PRKN: variants seen among roughly 807,000 people sequenced by gnomAD.
PRKN encodes E3 ubiquitin-protein ligase parkin.
PRKN carries 56 observed loss-of-function variants against 59.5 expected under a neutral mutation model. The observed-to-expected ratio is 0.94, with a 90% CI of 0.76 to 1.18. The LOEUF is 1.18. Ranked by LOEUF, PRKN falls within the 50% of genes most tolerant of loss-of-function variation. The probability of loss-of-function intolerance (pLI) is 0.00; values close to 1 mark genes in which losing one functional copy is unlikely to be tolerated. For synonymous variants in PRKN, 250 were observed against 222.1 expected, an observed-to-expected ratio of 1.13 and a Z score of -1.12; for missense variants, 657 against 596.4, an observed-to-expected ratio of 1.10 and a Z score of -1.06.
intron 1 of PRKN, among the ~76,000 whole-genome samples, chr6:162,673,679 C>G (rs963220606): frequency 6.6e-6 from 1 of 152,164 alleles, no homozygotes; most frequent in Non-Finnish European, 1.5e-5. Context: ...AGCCAACACG[C>G]CCAGCCTAGA....
intron 7 of PRKN, among the ~76,000 whole-genome samples, chr6:161,701,037 G>T (rs1029388470): frequency 6.6e-6 from 1 of 152,192 alleles, no homozygotes; most frequent in African/African-American, 2.4e-5. Context: ...CAACCCTTGA[G>T]ATTTATTAGG....
intron 9 of PRKN, among the ~76,000 whole-genome samples, chr6:161,435,761 G>A (rs889227397): frequency 6.8e-6 from 1 of 148,076 alleles, no homozygotes. Context: ...CCAGGCAGTT[G>A]TATTTATTTC....
rs568296559 is a variant in PRKN, at chr6:161,607,842, C to G, written c.872-38426G>C. The stretch of plus-strand genomic sequence containing the variant: ...GCCCAGAACAATGAATGAGGAAGGC[C>G]TGAGCCAAGGACAGCCGTCACAGTG... On this transcript the variant is annotated intron_variant, in intron 7 of 11. Transcript: ENST00000366898. Among the ~76,000 whole-genome samples, 6 of 152,302 alleles carry G rather than the reference C, an allele frequency of 3.9e-5. No homozygotes were observed. In the South Asian group the frequency reaches 1.2e-3, roughly 32 times the overall value.
intron 1 of PRKN, among the ~76,000 whole-genome samples, chr6:162,453,559 A>ATG (rs1157095506): frequency 6.6e-6 from 1 of 152,106 alleles, no homozygotes; most frequent in Non-Finnish European, 1.5e-5. Context: ...CTATGTAAGC[A>ATG]TGTCACACAG....
chr6:162,094,729 A>T (rs1389058931), intron 4 of PRKN, among the ~76,000 whole-genome samples: 3 of 152,164 alleles, frequency 2.0e-5, no homozygotes, highest in African/African-American at 7.2e-5. Context: ...GTCACTTTAA[A>T]ACAAATTGTG....
chr6:161,461,091 A>G lies in PRKN; in HGVS notation c.1084-74214T>C, dbSNP rs990832670. On this transcript the variant is annotated intron_variant, in intron 9 of 11. Transcript: ENST00000366898. This position sits in a 1 kb window ranked among gnomAD's most constrained non-coding sequence, Gnocchi z 5.1. ...TCTTTATCATAAGTACTTACTGTCTATTAACCCCATAAACATTCCACCTGC... is the reference window on the plus strand; with the variant it reads ...TCTTTATCATAAGTACTTACTGTCTGTTAACCCCATAAACATTCCACCTGC... Among the ~76,000 whole-genome samples the G allele has an allele frequency of 2.6e-5, 4 of 152,170 alleles. No individual in the cohort carries two copies. Among genetic ancestry groups the G allele is most frequent in the East Asian group, 1.9e-4 (1 of 5,172 alleles).
At chr6:161,966,189 A>G (rs1260101694) in intron 6 of PRKN, among the ~76,000 whole-genome samples, 1 of 152,044 alleles carries the variant, frequency 6.6e-6, no homozygotes, top group Admixed American at 6.5e-5. Context: ...AAATAGGGTT[A>G]AATAAAACCT....
chr6:162,040,834 G>C (rs1355064339), intron 5 of PRKN, among the ~76,000 whole-genome samples: 1 of 152,074 alleles, frequency 6.6e-6, no homozygotes, highest in African/African-American at 2.4e-5. Context: ...GCTGCCCAAG[G>C]AGAACAGTAG....
chr6:162,327,545 G>A (rs1010726047), intron 2 of PRKN, among the ~76,000 whole-genome samples: 1 of 148,238 alleles, frequency 6.7e-6, no homozygotes, highest in Non-Finnish European at 1.5e-5. Flanking sequence ...CAGTTTCAAT[G>A]TTAGGTTTTG....
intron 1 of PRKN, among the ~76,000 whole-genome samples, chr6:162,699,900 CAA>C (rs1778092596): frequency 6.6e-6 from 1 of 152,108 alleles, no homozygotes; most frequent in Non-Finnish European, 1.5e-5. Context: ...ATTTCATTAA[CAA>C]GAGAAAATTA....
intron 1 of PRKN, among the ~76,000 whole-genome samples, chr6:162,669,354 G>C (rs1186683563): frequency 6.6e-6 from 1 of 152,070 alleles, no homozygotes; most frequent in Non-Finnish European, 1.5e-5. Context: ...ATCTTCTTGA[G>C]TCACGATTGC....
intron 3 of PRKN, among the ~76,000 whole-genome samples, chr6:162,232,789 T>C (rs1204487751): frequency 6.6e-6 from 1 of 152,196 alleles, no homozygotes; most frequent in Non-Finnish European, 1.5e-5. Context: ...TGCATTTATA[T>C]GTTACAGGAC....
At chr6:161,807,518 C>A (rs959581027) in intron 6 of PRKN, among the ~76,000 whole-genome samples, 4 of 152,212 alleles carry the variant, frequency 2.6e-5, no homozygotes, top group Admixed American at 6.5e-5. Flanking sequence ...TCTCTCACAG[C>A]TCTGGAGGTA....
intron 6 of PRKN, among the ~76,000 whole-genome samples, chr6:161,842,411 GCAGTGAGTGGAGATGGCACCACTGCACTC>G (rs2128220883): frequency 6.6e-6 from 1 of 150,748 alleles, no homozygotes; most frequent in African/African-American, 2.4e-5. Context: ...GGCAAAGGTT[GCAGTGAGTGGAGATGGCACCACTGCACTC>G]CAGCCTGGGC....
intron 7 of PRKN, among the ~76,000 whole-genome samples, chr6:161,749,987 C>T (rs914484621): frequency 2.6e-5 from 4 of 151,878 alleles, no homozygotes; most frequent in South Asian, 4.1e-4. Flanking sequence ...GTTTGCATTG[C>T]GTTTGTTATG....
chr6:162,314,209 A>T (rs1782652852), intron 2 of PRKN, among the ~76,000 whole-genome samples: 1 of 152,142 alleles, frequency 6.6e-6, no homozygotes, highest in Admixed American at 6.5e-5. Flanking sequence ...GGGTTGAGTA[A>T]AGGGAAGCTT....
intron 6 of PRKN, among the ~76,000 whole-genome samples, chr6:161,848,424 GTCTC>G (rs1793289640): frequency 6.6e-6 from 1 of 152,116 alleles, no homozygotes; most frequent in African/African-American, 2.4e-5. Flanking sequence ...ATCAAAATGT[GTCTC>G]TCTAATTCCT....
chr6:161,509,103 C>G (rs1250302459), intron 9 of PRKN, among the ~76,000 whole-genome samples: 1 of 152,202 alleles, frequency 6.6e-6, no homozygotes, highest in African/African-American at 2.4e-5. Flanking sequence ...CTTGGCCTCC[C>G]AAAGTGCTGG....
chr6:161,683,541 C>T (rs1785448588), intron 7 of PRKN, among the ~76,000 whole-genome samples: 1 of 152,158 alleles, frequency 6.6e-6, no homozygotes, highest in African/African-American at 2.4e-5. Flanking sequence ...CCAGGTGGCT[C>T]CAGCAGCTCT....
Sources: gnomAD v4.1 joint callset for allele counts (sites outside exome capture counted in the v4.1 genomes callset) on GRCh38, gnomAD v4.1.1 for gene constraint, Gnocchi (gnomAD v3.1) non-coding constraint, MANE v1.5 for transcripts, NCBI Gene and HGNC (gene_info 2026-07-23, HGNC 2026-07-21) for gene names.